UBAP1: variants seen among roughly 807,000 people sequenced by gnomAD.
The protein encoded by UBAP1 is ubiquitin-associated protein 1.
Under a neutral mutation model 39.0 loss-of-function variants are expected in UBAP1, and 5 were observed. The ratio of observed to expected loss-of-function variants is 0.13; its 90% confidence interval spans 0.07 to 0.27. The LOEUF (loss-of-function observed/expected upper bound fraction) is 0.27, where lower values mean the gene tolerates loss of function less well. UBAP1 is among the 10% of genes least tolerant of loss of function. The pLI, the probability that UBAP1 is intolerant of heterozygous loss-of-function variation, is 1.00. For missense variants in UBAP1, 490 were observed against 608.1 expected (o/e 0.81, Z 2.04); for synonymous variants, 211 against 225.1 (o/e 0.94, Z 0.56).
At chr9:34,231,184 G>A (rs1042962919) in intron 2 of UBAP1, among the ~76,000 whole-genome samples, 12 of 144,054 alleles carry the variant, frequency 8.3e-5, no homozygotes, top group African/African-American at 1.6e-4. Context: ...TGTTGGGGTC[G>A]GGGTTAGATT....
At chr9:34,217,892 G>A (rs1832426324) in intron 1 of UBAP1, among the ~76,000 whole-genome samples, 1 of 131,010 alleles carries the variant, frequency 7.6e-6, no homozygotes, top group African/African-American at 2.9e-5. Context: ...CCGTCTCCCA[G>A]CCTCAAGTGA....
chr9:34,227,905 T>G (rs1020116133), intron 2 of UBAP1, among the ~76,000 whole-genome samples: 2 of 152,136 alleles, frequency 1.3e-5, no homozygotes, highest in African/African-American at 4.8e-5. Context: ...GGTGGGAGGA[T>G]TGCTTGAGTC....
intron 4 of UBAP1, among the ~76,000 whole-genome samples, chr9:34,242,732 C>T (rs936435016): frequency 2.0e-5 from 3 of 152,114 alleles, no homozygotes; most frequent in Non-Finnish European, 2.9e-5. Context: ...ACCACGTTTC[C>T]GAGGCTGGTC....
chr9:34,183,715 T>C (rs1240863355), intron 1 of UBAP1, among the ~76,000 whole-genome samples: 1 of 151,794 alleles, frequency 6.6e-6, no homozygotes, highest in Non-Finnish European at 1.5e-5. Flanking sequence ...CATCCTCTTT[T>C]CCAGATTTCT....
At chr9:34,204,216 A>G (rs1365277054) in intron 1 of UBAP1, among the ~76,000 whole-genome samples, 1 of 152,154 alleles carries the variant, frequency 6.6e-6, no homozygotes, top group Non-Finnish European at 1.5e-5. Flanking sequence ...AATCCCAGCT[A>G]CTCGGGAGGC....
chr9:34,241,076 C>A, intron 3 of UBAP1, 109 bp from the exon 4 acceptor site: 2 of 751,464 alleles, frequency 2.7e-6, no homozygotes, highest in Non-Finnish European at 4.0e-6. Flanking sequence ...TTAAATGCTG[C>A]CTTGTCCGGT....
At chr9:34,217,075 A>C (rs1411416230) in intron 1 of UBAP1, among the ~76,000 whole-genome samples, 2 of 151,202 alleles carry the variant, frequency 1.3e-5, no homozygotes, top group African/African-American at 4.9e-5. Flanking sequence ...TATACTCTCT[A>C]CTCTTTTGGG....
intron 2 of UBAP1, among the ~76,000 whole-genome samples, chr9:34,230,189 G>A (rs576734323): frequency 2.0e-5 from 3 of 151,718 alleles, no homozygotes; most frequent in Admixed American, 6.6e-5. Context: ...TCAGCTTCCC[G>A]AGTAGCTGGG....
At chr9:34,194,285 A>G (rs2131516425) in intron 1 of UBAP1, among the ~76,000 whole-genome samples, 1 of 152,188 alleles carries the variant, frequency 6.6e-6, no homozygotes, top group Middle Eastern at 3.4e-3. Flanking sequence ...GAAAAGTTAG[A>G]ATACAGAGAT....
At chr9:34,240,270 C>G (rs1181955599) in intron 3 of UBAP1, among the ~76,000 whole-genome samples, 1 of 152,166 alleles carries the variant, frequency 6.6e-6, no homozygotes, top group African/African-American at 2.4e-5. Flanking sequence ...CTAGGCTTCT[C>G]TTTTGTTGTT....
chr9:34,181,092 G>C (rs905350097), intron 1 of UBAP1, among the ~76,000 whole-genome samples: 18 of 142,162 alleles, frequency 1.3e-4, no homozygotes, highest in African/African-American at 4.6e-4. Context: ...TTACAGGCGT[G>C]AGCCACCGCA....
chr9:34,249,498 T>G (rs1399898023), intron 4 of UBAP1, among the ~76,000 whole-genome samples: 1 of 152,166 alleles, frequency 6.6e-6, no homozygotes, highest in Non-Finnish European at 1.5e-5. Context: ...GGGCCTGTCG[T>G]GTTGTGGCGC....
chr9:34,223,939 A>G (rs4242691), intron 2 of UBAP1: 229,461 of 308,202 alleles, frequency 0.74, 88,500 homozygotes, highest in East Asian at 0.95. Flanking sequence ...TTTGGGAACA[A>G]AACAATAAAC....
In UBAP1 at chr9:34,241,417, C is replaced by A; in HGVS notation, c.392C>A (p.Thr131Lys). ...AGCTTGCAGCACAACAGCATCCTCA[C>A]ACCAACTCGGGTCAGCAGTAGTGCC... is the stretch of plus-strand genomic sequence containing the variant. ...LASLQHNSILTPTRVSSSATK... is the reference protein window; with the variant it reads ...LASLQHNSILKPTRVSSSATK... Residue 131 changes from threonine to lysine, a missense_variant, in exon 4 of 7, where the codon ACA becomes AAA. Coordinates refer to ENST00000297661, the MANE Select transcript of UBAP1 (RefSeq NM_016525.5). 6.3e-7 allele frequency: 1 copy of A among 1,585,984 alleles called. No homozygotes were observed. The highest frequency in any genetic ancestry group is 8.6e-7 in the Non-Finnish European group (1 of 1,165,768).
In UBAP1 at chr9:34,188,168, T is replaced by A. The variant is rs187103248; in HGVS notation, c.-8+8928T>A. Among the ~76,000 whole-genome samples, 453 of 150,004 alleles carry A rather than the reference T, an allele frequency of 3.0e-3. 3 individuals carry two copies. The highest frequency in any genetic ancestry group is 5.1e-3 in the Non-Finnish European group (347 of 67,596). On this transcript the variant is annotated intron_variant, in intron 1 of 6. Transcript: ENST00000297661. ...CACCAGATTAAAAATACACTACAAA[T>A]ACTGTTTACAACCACCAGATTAAAA... is the stretch of plus-strand genomic sequence containing the variant.
Position 34,241,426 on chromosome 9 carries a change from G to C in UBAP1, c.401G>C (p.Arg134Pro). 1 of 1,592,122 alleles carries C rather than the reference G, an allele frequency of 6.3e-7. No individual in the cohort carries two copies. The change falls in exon 4 of 7, where the codon CGG becomes CCG. Residue 134 changes from arginine (R) to proline (P), a missense_variant. Arg to Pro is a moderately radical substitution (Grantham distance 103). Transcript: ENST00000297661. Reference protein sequence around the residue: ...LQHNSILTPTRVSSSATKQKV... With the variant: ...LQHNSILTPTPVSSSATKQKV... ...CACAACAGCATCCTCACACCAACTCGGGTCAGCAGTAGTGCCACGAAACAG... is the reference window on the plus strand; with the variant it reads ...CACAACAGCATCCTCACACCAACTCCGGTCAGCAGTAGTGCCACGAAACAG...
At chr9:34,198,078 G>A (rs1263160185) in intron 1 of UBAP1, among the ~76,000 whole-genome samples, 5 of 152,172 alleles carry the variant, frequency 3.3e-5, no homozygotes, top group Non-Finnish European at 5.9e-5. Flanking sequence ...GGTTAGGTGG[G>A]GCTTGTTCTC....
intron 1 of UBAP1, among the ~76,000 whole-genome samples, chr9:34,209,647 T>G (rs1831907462): frequency 6.6e-6 from 1 of 152,224 alleles, no homozygotes; most frequent in South Asian, 2.1e-4. Context: ...AAACCACTGA[T>G]TTATTCTTTG....
chr9:34,179,065 C>T lies in UBAP1; in HGVS notation c.-183C>T, dbSNP rs762885191. 11 of 1,278,374 alleles carry T rather than the reference C, an allele frequency of 8.6e-6. No homozygotes were observed. The highest frequency in any genetic ancestry group is 5.3e-5 in the South Asian group (2 of 37,576). The allele number at this position is 1,278,374 out of a possible 1,614,324, so 79.2% of individuals were successfully genotyped here. ...GGAGGGAAGTAGGACTTCAACATGG[C>T]GGCTGCGGCACTGGCGGTGGCTACG... On this transcript the variant is annotated 5_prime_UTR_variant, in exon 1 of 7. Coordinates refer to ENST00000297661, the MANE Select transcript of UBAP1 (RefSeq NM_016525.5).
Sources: allele counts gnomAD v4.1 joint callset (sites outside exome capture counted in the v4.1 genomes callset), GRCh38; gene constraint gnomAD v4.1.1; transcripts MANE v1.5; gene names NCBI Gene and HGNC (gene_info 2026-07-23, HGNC 2026-07-21).